NDFIP2: variants seen among roughly 807,000 people sequenced by gnomAD.
The protein encoded by NDFIP2 is Nedd4 family interacting protein 2, also known as NEDD4 family-interacting protein 2.
A neutral mutation model predicts 36.0 loss-of-function variants in NDFIP2; 19 were observed. The observed-to-expected ratio is 0.53, with a 90% CI of 0.37 to 0.77. The LOEUF is 0.77. NDFIP2 is among the 30% of genes least tolerant of loss of function. The pLI, the probability that NDFIP2 is intolerant of heterozygous loss-of-function variation, is 0.00. For synonymous variants in NDFIP2, 181 were observed against 167.7 expected (o/e 1.08, Z -0.61); for missense variants, 446 against 435.8 (o/e 1.02, Z -0.21).
chr13:79,536,884 T>A (rs746153351), intron 3 of NDFIP2, among the ~76,000 whole-genome samples: 1 of 151,070 alleles, frequency 6.6e-6, no homozygotes, highest in Non-Finnish European at 1.5e-5. Flanking sequence ...AAAAATCAGC[T>A]AGGTGTGGTG....
chr13:79,483,867 G>A (rs2140726906), intron 1 of NDFIP2, among the ~76,000 whole-genome samples: 1 of 152,200 alleles, frequency 6.6e-6, no homozygotes, highest in East Asian at 1.9e-4. Flanking sequence ...TCTAATTTCA[G>A]AAAAAGCCAG....
chr13:79,502,588 G>T (rs930356887), intron 1 of NDFIP2, among the ~76,000 whole-genome samples: 1 of 152,130 alleles, frequency 6.6e-6, no homozygotes, highest in Non-Finnish European at 1.5e-5. Flanking sequence ...TAGTTATCAG[G>T]AAGCTAAAGA....
intron 5 of NDFIP2, among the ~76,000 whole-genome samples, chr13:79,544,492 GT>G (rs10714865): frequency 0.051 from 7,261 of 142,208 alleles, 565 homozygotes; most frequent in African/African-American, 0.17. Context: ...TTTCTTCCTA[GT>G]TTTTTTTTTT....
intron 1 of NDFIP2, among the ~76,000 whole-genome samples, chr13:79,499,698 T>A (rs981684077): frequency 1.3e-5 from 2 of 151,842 alleles, no homozygotes; most frequent in African/African-American, 4.8e-5. Flanking sequence ...TGAGGAAAAC[T>A]ACAAAACTTT....
At chr13:79,485,712 A>G (rs1872954393) in intron 1 of NDFIP2, among the ~76,000 whole-genome samples, 1 of 152,192 alleles carries the variant, frequency 6.6e-6, no homozygotes, top group Admixed American at 6.5e-5. Flanking sequence ...TTTCTCTGTT[A>G]TACTGACAGT....
At chr13:79,490,437 GGGT>G (rs1214289652) in intron 1 of NDFIP2, among the ~76,000 whole-genome samples, 1 of 152,066 alleles carries the variant, frequency 6.6e-6, no homozygotes, top group Non-Finnish European at 1.5e-5. Flanking sequence ...ATGTTACTTG[GGGT>G]GGTGGTGGTG....
intron 1 of NDFIP2, 85 bp from the exon 2 acceptor site, chr13:79,520,725 C>A (rs2137085875): frequency 1.6e-6 from 2 of 1,271,156 alleles, no homozygotes; most frequent in Non-Finnish European, 2.1e-6. Context: ...AAAAGCGATA[C>A]TGTGTCTGAA....
At position 79,518,149 on chromosome 13, in the gene NDFIP2, G is replaced by A. The variant is rs114095943; in HGVS notation, c.322-2661G>A. Reference sequence around the variant, plus strand: ...CATGTAGTAGGAAGACATGGGAGACGGATGGTAATACCAAGTGCAACATGT... The same window carrying A: ...CATGTAGTAGGAAGACATGGGAGACAGATGGTAATACCAAGTGCAACATGT... On this transcript the variant is annotated intron_variant, in intron 1 of 7. Coordinates refer to ENST00000218652, the MANE Select transcript of NDFIP2 (RefSeq NM_019080.3). Among the ~76,000 whole-genome samples the A allele has an allele frequency of 5.1e-3, 773 of 152,272 alleles. 4 individuals are homozygous for A. Among genetic ancestry groups the A allele is most frequent in the African/African-American group, 0.017 (718 of 41,562 alleles).
rs905558391 is a variant in NDFIP2, at chr13:79,554,173, T to G, written c.*1660T>G. ...TTATATTAAAATTTTTATTGTTGTATTAAAGTACCTGTGTTACACCCCTTG... is the reference window on the plus strand; with the variant it reads ...TTATATTAAAATTTTTATTGTTGTAGTAAAGTACCTGTGTTACACCCCTTG... On this transcript the variant is annotated 3_prime_UTR_variant, in exon 8 of 8. Coordinates refer to ENST00000218652, the MANE Select transcript of NDFIP2 (RefSeq NM_019080.3). 3.3e-5 allele frequency: 5 copies of G among 151,654 alleles called. No individual in the cohort carries two copies. The highest frequency in any genetic ancestry group is 1.2e-4 in the African/African-American group (5 of 41,422). 9.4% of individuals were successfully genotyped at this position (151,654 alleles called of 1,614,324 possible).
At chr13:79,533,894 A>G (rs1277420649) in intron 3 of NDFIP2, among the ~76,000 whole-genome samples, 1 of 152,088 alleles carries the variant, frequency 6.6e-6, no homozygotes, top group Admixed American at 6.6e-5. Flanking sequence ...TAACCCGTGT[A>G]TTGTTGAAGG....
At chr13:79,550,070 A>G (rs1454258223) in intron 6 of NDFIP2, among the ~76,000 whole-genome samples, 1 of 151,838 alleles carries the variant, frequency 6.6e-6, no homozygotes, top group Non-Finnish European at 1.5e-5. Flanking sequence ...TGGTGAGGAA[A>G]GTCATACACA....
chr13:79,491,016 C>T (rs931640244), intron 1 of NDFIP2, among the ~76,000 whole-genome samples: 2 of 152,172 alleles, frequency 1.3e-5, no homozygotes, highest in Non-Finnish European at 2.9e-5. Context: ...ATCACTATAT[C>T]CCATTCACAG....
chr13:79,508,236 G>A (rs561734979), intron 1 of NDFIP2, among the ~76,000 whole-genome samples: 1 of 152,116 alleles, frequency 6.6e-6, no homozygotes, highest in Non-Finnish European at 1.5e-5. Flanking sequence ...ATTTCCATGT[G>A]AGAATTTCCT....
At chr13:79,505,474 A>G (rs1360187809) in intron 1 of NDFIP2, among the ~76,000 whole-genome samples, 1 of 152,116 alleles carries the variant, frequency 6.6e-6, no homozygotes, top group Non-Finnish European at 1.5e-5. Context: ...TACAAAAAAA[A>G]TGTAATAAAT....
At chr13:79,521,005 G>C in intron 2 of NDFIP2, 30 bp downstream of exon 2, 1 of 1,478,472 alleles carries the variant, frequency 6.8e-7, no homozygotes, top group Non-Finnish European at 9.0e-7. Context: ...GTTTTTATTA[G>C]TTCTTTTTTT....
intron 6 of NDFIP2, among the ~76,000 whole-genome samples, chr13:79,549,626 C>A (rs1283081794): frequency 1.3e-5 from 2 of 151,896 alleles, no homozygotes; most frequent in African/African-American, 4.8e-5. Flanking sequence ...ACAGTAGCCA[C>A]TGAGCGATTG....
intron 1 of NDFIP2, among the ~76,000 whole-genome samples, chr13:79,500,027 A>G (rs1873596292): frequency 6.6e-6 from 1 of 151,942 alleles, no homozygotes; most frequent in Non-Finnish European, 1.5e-5. Flanking sequence ...AGACAAATAG[A>G]TTAGTGGAAG....
chr13:79,506,000 G>A (rs1175994067), intron 1 of NDFIP2, among the ~76,000 whole-genome samples: 1 of 152,114 alleles, frequency 6.6e-6, no homozygotes, highest in African/African-American at 2.4e-5. Context: ...AATGGTTGTA[G>A]AATCTGTGAT....
At chr13:79,488,989 G>A (rs2140731651) in intron 1 of NDFIP2, among the ~76,000 whole-genome samples, 1 of 152,264 alleles carries the variant, frequency 6.6e-6, no homozygotes, top group Middle Eastern at 3.4e-3. Flanking sequence ...TCCTCAATTT[G>A]CAGGTGAGAA....
Sources: allele counts gnomAD v4.1 joint callset (sites outside exome capture counted in the v4.1 genomes callset), GRCh38; gene constraint gnomAD v4.1.1; transcripts MANE v1.5; gene names NCBI Gene and HGNC (gene_info 2026-07-23, HGNC 2026-07-21).